SAFB: variants seen among roughly 807,000 people sequenced by gnomAD.
The protein encoded by SAFB is scaffold attachment factor B.
A neutral mutation model predicts 101.6 loss-of-function variants in SAFB; 15 were observed. That is an observed-to-expected ratio of 0.15 (90% confidence interval 0.10 to 0.23). SAFB has a LOEUF of 0.23. SAFB is among the 10% of genes least tolerant of loss of function. The pLI, the probability that SAFB is intolerant of heterozygous loss-of-function variation, is 1.00. For missense variants in SAFB, 930 were observed against 1,104.1 expected, an observed-to-expected ratio of 0.84 and a Z score of 2.23; for synonymous variants, 449 against 407.5, an observed-to-expected ratio of 1.10 and a Z score of -1.23.
chr19:5,646,994 G>T (rs1166459629), intron 5 of SAFB, among the ~76,000 whole-genome samples: 1 of 152,196 alleles, frequency 6.6e-6, no homozygotes. Flanking sequence ...CTACCATTAG[G>T]ACCAACCTCC....
At chr19:5,657,376 G>A (rs1568274628) in intron 14 of SAFB, 29 bp downstream of exon 14, 3 of 1,467,114 alleles carry the variant, frequency 2.0e-6, no homozygotes, top group African/African-American at 1.4e-5. Flanking sequence ...ACGGTTTGGT[G>A]TTTTTCCTAG....
At chr19:5,666,752 A>G in intron 17 of SAFB, 1 of 480,178 alleles carries the variant, frequency 2.1e-6, no homozygotes, top group South Asian at 2.3e-5. Flanking sequence ...TGTAAGCATC[A>G]TCTTTAGTGG....
chr19:5,660,301 A>ACTG (rs756521432), intron 14 of SAFB, among the ~76,000 whole-genome samples: 2 of 142,066 alleles, frequency 1.4e-5, no homozygotes, highest in Non-Finnish European at 3.0e-5. Flanking sequence ...GGTATACTGC[A>ACTG]CTGAGGTGCT....
chr19:5,652,997 C>T (rs1489881288), intron 9 of SAFB, 118 bp from the exon 10 acceptor site: 2 of 971,442 alleles, frequency 2.1e-6, no homozygotes, highest in Admixed American at 4.7e-5. Flanking sequence ...GCATTGTCCT[C>T]CCCAGTCTAA....
chr19:5,645,423 CT>C, intron 5 of SAFB, 24 bp downstream of exon 5: 2 of 1,143,624 alleles, frequency 1.7e-6, no homozygotes, highest in Non-Finnish European at 2.6e-6. Flanking sequence ...TGTCTCAGTA[CT>C]TTTAGAATGA....
intron 5 of SAFB, 75 bp downstream of exon 5, chr19:5,645,474 A>G (rs2053808398): frequency 2.8e-6 from 2 of 718,448 alleles, no homozygotes; most frequent in South Asian, 1.6e-5. Context: ...TTCAGACACC[A>G]TATGCCAGTT....
At chr19:5,633,417 C>A (rs1310847330) in intron 2 of SAFB, among the ~76,000 whole-genome samples, 1 of 152,170 alleles carries the variant, frequency 6.6e-6, no homozygotes, top group African/African-American at 2.4e-5. Context: ...TTATGCTTTT[C>A]CTGCCCTTTC....
intron 1 of SAFB, among the ~76,000 whole-genome samples, chr19:5,625,379 T>C (rs1273733280): frequency 6.6e-6 from 1 of 152,230 alleles, no homozygotes; most frequent in African/African-American, 2.4e-5. Context: ...AGGAAAGAAC[T>C]TCAGTCCCTT....
intron 1 of SAFB, chr19:5,623,980 C>T (rs373101561): frequency 6.6e-6 from 1 of 152,502 alleles, no homozygotes; most frequent in Non-Finnish European, 1.5e-5. Context: ...TTTGCCGGTA[C>T]TCGCTCGGTG....
At chr19:5,633,568 G>A (rs140672688) in intron 2 of SAFB, among the ~76,000 whole-genome samples, 2,559 of 152,032 alleles carry the variant, frequency 0.017, 42 homozygotes, top group East Asian at 0.027. Flanking sequence ...TCATGAGGTC[G>A]GGAGATCGAG....
intron 13 of SAFB, among the ~76,000 whole-genome samples, chr19:5,656,818 T>C (rs962644404): frequency 2.0e-5 from 3 of 152,154 alleles, no homozygotes; most frequent in Non-Finnish European, 4.4e-5. Flanking sequence ...TCACTCAGGC[T>C]GGAGTCGAGT....
chr19:5,627,663 A>G (rs1176235298), intron 2 of SAFB, among the ~76,000 whole-genome samples: 1 of 151,970 alleles, frequency 6.6e-6, no homozygotes, highest in Non-Finnish European at 1.5e-5. Context: ...GTCAGGCCCC[A>G]AACACGTGAT....
chr19:5,642,921 A>G (rs2053753876), intron 4 of SAFB, among the ~76,000 whole-genome samples: 1 of 150,900 alleles, frequency 6.6e-6, no homozygotes, highest in African/African-American at 2.4e-5. Context: ...CCTGCCTCAG[A>G]CTCCCAAAGT....
chr19:5,630,370 T>A (rs1420950986), intron 2 of SAFB, among the ~76,000 whole-genome samples: 2 of 152,256 alleles, frequency 1.3e-5, no homozygotes, highest in Non-Finnish European at 2.9e-5. Flanking sequence ...ATTGTTTTAA[T>A]CTGTCATTCA....
intron 2 of SAFB, among the ~76,000 whole-genome samples, chr19:5,632,325 A>G (rs556287485): frequency 1.3e-5 from 2 of 152,176 alleles, no homozygotes; most frequent in Non-Finnish European, 2.9e-5. Flanking sequence ...ATCTGACTAC[A>G]TTTGCCTTGT....
chr19:5,652,568 T>G (rs1008753517), intron 9 of SAFB, among the ~76,000 whole-genome samples: 6 of 152,142 alleles, frequency 3.9e-5, no homozygotes, highest in African/African-American at 1.4e-4. Context: ...AGGGCGACCC[T>G]AACTGCATCC....
chr19:5,635,568 G>A (rs777634576), intron 2 of SAFB, among the ~76,000 whole-genome samples: 12 of 152,102 alleles, frequency 7.9e-5, no homozygotes, highest in Non-Finnish European at 1.6e-4. Context: ...AGTTTAATAC[G>A]TATATTTGCA....
chr19:5,642,119 T>C lies in SAFB; in HGVS notation c.546+173T>C, dbSNP rs2053729688. ...CAATTTGTTTTGTTGAAAGGTGATG[T>C]CTTATAACATTTCATATGTACTTGC... On this transcript the variant is annotated intron_variant, in intron 4 of 20. Coordinates refer to ENST00000588852, the MANE Select transcript of SAFB (RefSeq NM_001201338.2). 2.3e-5 allele frequency: 16 copies of C among 690,114 alleles called. No individual in the cohort carries two copies. The East Asian group carries it at 4.4e-4, about 19-fold the overall frequency. The allele number at this position is 690,114 out of a possible 1,614,324, so 42.7% of individuals were successfully genotyped here.
Position 5,667,868 on chromosome 19 carries a change from A to G in SAFB, c.2606A>G (p.Asn869Ser), listed in dbSNP as rs781610487. 3.7e-6 allele frequency: 6 copies of G among 1,609,820 alleles called. No individual in the cohort carries two copies. Residue 869 changes from asparagine to serine, a missense_variant, in exon 20 of 21, where the codon AAC (asparagine) becomes AGC (serine). Transcript: ENST00000588852. This position sits in a 1 kb window ranked among gnomAD's most constrained non-coding sequence, Gnocchi z 4.0. ...SGHSGPGHMM[N>S]RGGMSGRGSF... is the part of the protein sequence containing the mutation. ...CACTCCGGGCCTGGCCACATGATGA[A>G]CCGAGGAGGAATGTCAGGGTAAGGC... is the stretch of plus-strand genomic sequence containing the variant.
Sources: gnomAD v4.1 joint callset for allele counts (sites outside exome capture counted in the v4.1 genomes callset) on GRCh38, gnomAD v4.1.1 for gene constraint, Gnocchi (gnomAD v3.1) non-coding constraint, MANE v1.5 for transcripts, NCBI Gene and HGNC (gene_info 2026-07-23, HGNC 2026-07-21) for gene names.